EMC8: variants seen among roughly 807,000 people sequenced by gnomAD.
EMC8 encodes COX4 neighbor.
EMC8 carries 11 observed loss-of-function variants against 24.3 expected under a neutral mutation model. The ratio of observed to expected loss-of-function variants is 0.45; its 90% confidence interval spans 0.28 to 0.75. EMC8 has a LOEUF of 0.75. Ranked by LOEUF, EMC8 falls within the 30% of genes least tolerant of loss-of-function variation. The pLI is 0.12. For missense variants in EMC8, 277 were observed against 282.7 expected (o/e 0.98, Z 0.14); for synonymous variants, 145 against 117.7 (o/e 1.23, Z -1.50).
At chr16:85,798,078 A>G (rs1047424303) in intron 1 of EMC8, among the ~76,000 whole-genome samples, 3 of 146,744 alleles carry the variant, frequency 2.0e-5, no homozygotes, top group Non-Finnish European at 3.0e-5. Context: ...TGTTGGACAG[A>G]TCGTCTGCTC....
At chr16:85,784,628 G>C (rs940047151) in intron 2 of EMC8, 1 of 152,052 alleles carries the variant, frequency 6.6e-6, no homozygotes, top group African/African-American at 2.4e-5. Flanking sequence ...CTAGCGCAGA[G>C]GGAAGGCAGT....
Position 85,799,103 on chromosome 16 carries a change from G to C in EMC8, c.193C>G (p.Leu65Val), listed in dbSNP as rs1905445943. The C allele has an allele frequency of 6.3e-7, 1 of 1,576,000 alleles. No individual in the cohort carries two copies. The highest frequency in any genetic ancestry group is 8.6e-7 in the Non-Finnish European group (1 of 1,161,134). Residue 65 changes from leucine (L) to valine (V), a missense_variant, in exon 1 of 5, where the codon CTG (leucine) becomes GTG (valine). Leu to Val is a conservative substitution (Grantham distance 32, BLOSUM62 1). Transcript: ENST00000253457. This position sits in a 1 kb window ranked among gnomAD's most constrained non-coding sequence, Gnocchi z 4.2. ...ACCTCCAGCATGGGGGCGAGGGCCA[G>C]GGTGCCGTGGAAGAGGGGGATGCAG... ...VDCIPLFHGT[L>V]ALAPMLEVAL...
At chr16:85,791,619 T>C (rs542442471) in intron 1 of EMC8, among the ~76,000 whole-genome samples, 13 of 152,342 alleles carry the variant, frequency 8.5e-5, no homozygotes, top group African/African-American at 3.1e-4. Context: ...CCAAAATTTT[T>C]TATCTTACTG....
chr16:85,793,224 C>A (rs755368861), intron 1 of EMC8, among the ~76,000 whole-genome samples: 10 of 152,212 alleles, frequency 6.6e-5, no homozygotes, highest in Non-Finnish European at 1.2e-4. Context: ...CCCCACGCCC[C>A]TTGTGACTGT....
intron 1 of EMC8, among the ~76,000 whole-genome samples, chr16:85,790,819 T>TGTGTATGTGTA (rs1197866601): frequency 1.3e-5 from 2 of 152,132 alleles, no homozygotes; most frequent in African/African-American, 4.8e-5. Flanking sequence ...TACACATACT[T>TGTGTATGTGTA]AGTGGCTTAA....
At chr16:85,789,201 C>T in intron 1 of EMC8, 151 bp from the exon 2 acceptor site, 5 of 637,128 alleles carry the variant, frequency 7.8e-6, no homozygotes, top group South Asian at 1.8e-5. Context: ...GGGTAGGACT[C>T]AGGAAAAAAT....
chr16:85,794,964 G>A (rs969197531), intron 1 of EMC8, among the ~76,000 whole-genome samples: 45 of 152,274 alleles, frequency 3.0e-4, no homozygotes, highest in African/African-American at 1.0e-3. Context: ...TTTCCTCCCT[G>A]GTAAGTGGTT....
chr16:85,792,280 C>G (rs1905049738), intron 1 of EMC8: 1 of 152,204 alleles, frequency 6.6e-6, no homozygotes, highest in Admixed American at 6.5e-5. Flanking sequence ...AACCAAATTC[C>G]AGCAGAAAAA....
Position 85,799,300 on chromosome 16 carries a change from A to ACCCGGGAGGG in EMC8, c.-15_-6dup, listed in dbSNP as rs2040369800. The ACCCGGGAGGG allele has an allele frequency of 6.3e-7, 1 of 1,588,174 alleles. No individual in the cohort carries two copies. The highest frequency in any genetic ancestry group is 8.6e-7 in the Non-Finnish European group (1 of 1,169,078). The stretch of plus-strand genomic sequence containing the variant: ...GGTCAGTTTCACCCCGGGCATGCTG[A>ACCCGGGAGGG]CCCGGGAGGGCCCCGGAGGCCCCTG... On this transcript the variant is annotated 5_prime_UTR_variant, in exon 1 of 5. Transcript: ENST00000253457. This position sits in a 1 kb window ranked among gnomAD's most constrained non-coding sequence, Gnocchi z 4.2.
chr16:85,795,113 G>A (rs1031689023), intron 1 of EMC8, among the ~76,000 whole-genome samples: 1 of 152,150 alleles, frequency 6.6e-6, no homozygotes, highest in South Asian at 2.1e-4. Context: ...ACTCTGTCAA[G>A]TACTGCATTC....
Position 85,788,985 on chromosome 16 carries a change from T to C in EMC8, c.297A>G (p.Val99=), listed in dbSNP as rs774473908. ...CTGCATCCACGTACCTGGCATCCTTTACTCGCTCATTAGCTTGATAATAAC... is the reference window on the plus strand; with the variant it reads ...CTGCATCCACGTACCTGGCATCCTTCACTCGCTCATTAGCTTGATAATAAC... ...IAGYYQANER[V]KDASPNQVAE... Residue 99 remains valine (V), a synonymous_variant, in exon 2 of 5, where the codon GTA becomes GTG. Coordinates refer to ENST00000253457, the MANE Select transcript of EMC8 (RefSeq NM_006067.5). 1.9e-6 allele frequency: 3 copies of C among 1,612,936 alleles called. 1 individual carries two copies. Among genetic ancestry groups the C allele is most frequent in the Middle Eastern group, 3.3e-4 (2 of 6,060 alleles).
chr16:85,783,998 T>TC (rs1461854327), intron 2 of EMC8, among the ~76,000 whole-genome samples: 1 of 152,102 alleles, frequency 6.6e-6, no homozygotes, highest in African/African-American at 2.4e-5. Flanking sequence ...CATCCATCTT[T>TC]CTTTTTTTTT....
At chr16:85,795,992 T>G (rs1382136501) in intron 1 of EMC8, among the ~76,000 whole-genome samples, 2 of 152,124 alleles carry the variant, frequency 1.3e-5, no homozygotes, top group South Asian at 4.1e-4. Flanking sequence ...CTGTTGGCGG[T>G]GAGAGCAGAG....
intron 2 of EMC8, among the ~76,000 whole-genome samples, chr16:85,787,980 A>G (rs2254145): frequency 0.68 from 103,544 of 152,124 alleles, 36,644 homozygotes; most frequent in Non-Finnish European, 0.78. Context: ...GTGCTGAGCA[A>G]GTGGACCCAA....
At chr16:85,780,643 T>C (rs1904447942) in intron 3 of EMC8, 170 bp from the exon 4 acceptor site, 2 of 600,058 alleles carry the variant, frequency 3.3e-6, no homozygotes, top group Non-Finnish European at 3.0e-6. Context: ...AGGAAAACTG[T>C]TGTGTCATGC....
chr16:85,794,517 T>C (rs745599891), intron 1 of EMC8, among the ~76,000 whole-genome samples: 90 of 151,956 alleles, frequency 5.9e-4, no homozygotes, highest in Non-Finnish European at 6.6e-4. Flanking sequence ...GGTGAAACCT[T>C]GTCTACTAAA....
Position 85,781,258 on chromosome 16 carries a change from C to G in EMC8, c.331G>C (p.Val111Leu). 2 of 1,608,944 alleles carry G rather than the reference C, an allele frequency of 1.2e-6. No individual in the cohort carries two copies. Among genetic ancestry groups the G allele is most frequent in the African/African-American group, 1.4e-5 (1 of 73,260 alleles). Residue 111 changes from valine to leucine, a missense_variant, in exon 3 of 5, where the codon GTG becomes CTG. Physicochemically the swap from Val to Leu is conservative, Grantham distance 32 (BLOSUM62 1). Transcript: ENST00000253457. ...DASPNQVAEK[V>L]ASRIAEGFSD... is the part of the protein sequence containing the mutation. ...AAGCCCTCGGCGATTCTGGAGGCCACCTTCTCTGCAACCTGGTTTGGACTG... is the reference window on the plus strand; with the variant it reads ...AAGCCCTCGGCGATTCTGGAGGCCAGCTTCTCTGCAACCTGGTTTGGACTG...
At chr16:85,787,655 G>C (rs538095919) in intron 2 of EMC8, 14 of 152,338 alleles carry the variant, frequency 9.2e-5, no homozygotes, top group African/African-American at 3.1e-4. Flanking sequence ...AAGGCGGAGA[G>C]GCCAGTGCTG....
intron 2 of EMC8, chr16:85,785,191 C>G (rs1012326485): frequency 6.6e-6 from 1 of 152,294 alleles, no homozygotes; most frequent in Non-Finnish European, 1.5e-5. Flanking sequence ...AAGAAATCCT[C>G]CTGCCTTGGC....
Sources: gnomAD v4.1 joint callset for allele counts (sites outside exome capture counted in the v4.1 genomes callset) on GRCh38, gnomAD v4.1.1 for gene constraint, Gnocchi (gnomAD v3.1) non-coding constraint, MANE v1.5 for transcripts, NCBI Gene and HGNC (gene_info 2026-07-23, HGNC 2026-07-21) for gene names.